CPNE8: variants seen among roughly 807,000 people sequenced by gnomAD.
CPNE8 encodes the protein copine-8.
In CPNE8, 45 loss-of-function variants were observed where a neutral mutation model predicts 81.5. That is an observed-to-expected ratio of 0.55 (90% CI 0.44 to 0.71). The LOEUF is 0.71. CPNE8 is among the 30% of genes least tolerant of loss of function. The pLI is 0.00. For missense variants in CPNE8, 594 were observed against 672.1 expected, an observed-to-expected ratio of 0.88 and a Z score of 1.28; for synonymous variants, 252 against 226.3, an observed-to-expected ratio of 1.11 and a Z score of -1.02.
chr12:38,897,217 G>A (rs1223180866), intron 1 of CPNE8, among the ~76,000 whole-genome samples: 6 of 152,038 alleles, frequency 3.9e-5, no homozygotes, highest in Non-Finnish European at 7.4e-5. Flanking sequence ...GGTAATAAAA[G>A]TATTTAGAAA....
chr12:38,715,177 G>A (rs1940356313), intron 13 of CPNE8, among the ~76,000 whole-genome samples: 1 of 152,010 alleles, frequency 6.6e-6, no homozygotes, highest in South Asian at 2.1e-4. Flanking sequence ...CAGCAAAATT[G>A]CTGAACAGTT....
At chr12:38,808,505 A>G (rs1401945189) in intron 6 of CPNE8, among the ~76,000 whole-genome samples, 1 of 151,306 alleles carries the variant, frequency 6.6e-6, no homozygotes, top group Non-Finnish European at 1.5e-5. Flanking sequence ...TCACAAGAAC[A>G]AAAATCCAAA....
intron 1 of CPNE8, among the ~76,000 whole-genome samples, chr12:38,899,523 C>T (rs1944431033): frequency 7.2e-6 from 1 of 139,328 alleles, no homozygotes. Flanking sequence ...AGAACTGAAC[C>T]AGACAAACAA....
At position 38,905,552 on chromosome 12, in the gene CPNE8, T is replaced by C. The variant is rs1944558544; in HGVS notation, c.-18A>G. On this transcript the variant is annotated 5_prime_UTR_variant, in exon 1 of 20. Coordinates refer to ENST00000331366, the MANE Select transcript of CPNE8 (RefSeq NM_153634.3). ...CTGTCCATATTGGGAGGAGGCGCCT[T>C]GGACTTGTCCGGCGCCCACAACCAC... 3 of 1,551,830 alleles carry C rather than the reference T, an allele frequency of 1.9e-6. No homozygotes were observed. The highest frequency in any genetic ancestry group is 2.6e-6 in the Non-Finnish European group (3 of 1,149,210).
intron 9 of CPNE8, 140 bp from the exon 10 acceptor site, chr12:38,761,028 T>C: frequency 1.5e-6 from 1 of 657,942 alleles, no homozygotes; most frequent in Non-Finnish European, 2.5e-6. Context: ...GAAGTTAATT[T>C]TGCTAATTTC....
intron 6 of CPNE8, among the ~76,000 whole-genome samples, chr12:38,806,591 T>A (rs1362453254): frequency 6.7e-6 from 1 of 149,124 alleles, no homozygotes; most frequent in African/African-American, 2.4e-5. Context: ...TAGGTACTGA[T>A]GGGACGTATC....
intron 6 of CPNE8, among the ~76,000 whole-genome samples, chr12:38,815,441 A>G (rs1403869819): frequency 1.3e-5 from 2 of 152,194 alleles, no homozygotes; most frequent in Admixed American, 1.3e-4. Context: ...CATGTCATTC[A>G]ATCTTTCCTC....
At chr12:38,723,433 C>T (rs185915351) in intron 13 of CPNE8, among the ~76,000 whole-genome samples, 2 of 152,012 alleles carry the variant, frequency 1.3e-5, no homozygotes, top group African/African-American at 2.4e-5. Flanking sequence ...TTAAATCAGG[C>T]CCTGAAGCTT....
chr12:38,834,934 G>A (rs964223229), intron 5 of CPNE8, among the ~76,000 whole-genome samples: 18 of 150,934 alleles, frequency 1.2e-4, no homozygotes, highest in African/African-American at 4.4e-4. Flanking sequence ...GGAGTACAGT[G>A]GCACAATCTC....
intron 6 of CPNE8, among the ~76,000 whole-genome samples, chr12:38,792,880 A>C (rs1942358708): frequency 6.6e-6 from 1 of 151,800 alleles, no homozygotes; most frequent in Non-Finnish European, 1.5e-5. Flanking sequence ...AAAGAATTAT[A>C]CACCATCACC....
chr12:38,724,507 T>A (rs1279555204), intron 12 of CPNE8, among the ~76,000 whole-genome samples: 2 of 152,132 alleles, frequency 1.3e-5, no homozygotes, highest in Non-Finnish European at 2.9e-5. Flanking sequence ...AAGAGTATAG[T>A]ATTTCTTACT....
intron 6 of CPNE8, among the ~76,000 whole-genome samples, chr12:38,818,281 C>G (rs1162029358): frequency 6.6e-6 from 1 of 152,104 alleles, no homozygotes; most frequent in Non-Finnish European, 1.5e-5. Flanking sequence ...GCTCTCCCTC[C>G]CCTGGTCCCC....
chr12:38,817,614 C>CTTTTTTTTTT (rs869168296), intron 6 of CPNE8, among the ~76,000 whole-genome samples: 20 of 90,610 alleles, frequency 2.2e-4, no homozygotes, highest in African/African-American at 2.6e-4. Flanking sequence ...TTAATTTATT[C>CTTTTTTTTTT]TTTTTTTTTT....
intron 6 of CPNE8, among the ~76,000 whole-genome samples, chr12:38,798,502 G>A (rs1036924385): frequency 2.1e-4 from 32 of 152,048 alleles, no homozygotes; most frequent in African/African-American, 6.8e-4. Context: ...CAAATGCTGA[G>A]AGATGTTGTC....
At chr12:38,714,378 G>A (rs1219577632) in intron 13 of CPNE8, among the ~76,000 whole-genome samples, 1 of 151,858 alleles carries the variant, frequency 6.6e-6, no homozygotes, top group Non-Finnish European at 1.5e-5. Context: ...GTAGACAATT[G>A]TATTCAAATT....
rs950308082 is a variant in CPNE8, at chr12:38,730,218, A to C, written c.798+65T>G. ...TTGGCAATTATGCTTTGCAGAATCCACACTTTTAAAGCACAGATTTATTTA... is the reference window on the plus strand; with the variant it reads ...TTGGCAATTATGCTTTGCAGAATCCCCACTTTTAAAGCACAGATTTATTTA... On this transcript the variant is annotated intron_variant, in intron 11 of 19. Transcript: ENST00000331366. 5.1e-5 allele frequency: 51 copies of C among 992,264 alleles called. No individual in the cohort carries two copies. The African/African-American group carries it at 6.3e-4, about 12-fold the overall frequency. 61.5% of individuals were successfully genotyped at this position (992,264 alleles called of 1,614,324 possible).
chr12:38,854,761 A>G (rs370560931), intron 3 of CPNE8, among the ~76,000 whole-genome samples: 3 of 152,118 alleles, frequency 2.0e-5, no homozygotes, highest in Non-Finnish European at 2.9e-5. Flanking sequence ...TTTTAAAGGA[A>G]TATACCTCTA....
At chr12:38,766,826 C>A (rs1266457999) in intron 8 of CPNE8, among the ~76,000 whole-genome samples, 3 of 151,936 alleles carry the variant, frequency 2.0e-5, no homozygotes, top group African/African-American at 7.2e-5. Context: ...TTAAGTTCTT[C>A]TTATGTGTTG....
intron 11 of CPNE8, among the ~76,000 whole-genome samples, chr12:38,728,953 C>T (rs1481298962): frequency 1.3e-5 from 2 of 152,050 alleles, no homozygotes; most frequent in South Asian, 2.1e-4. Context: ...AACACATAAA[C>T]ATTATTAAGC....
Sources: gnomAD v4.1 joint callset for allele counts (sites outside exome capture counted in the v4.1 genomes callset) on GRCh38, gnomAD v4.1.1 for gene constraint, MANE v1.5 for transcripts, NCBI Gene and HGNC (gene_info 2026-07-23, HGNC 2026-07-21) for gene names.